PPFIA1: variants seen among roughly 807,000 people sequenced by gnomAD.
PPFIA1 encodes the protein liprin-alpha-1.
A neutral mutation model predicts 149.9 loss-of-function variants in PPFIA1; 25 were observed. That is an observed-to-expected ratio of 0.17 (90% CI 0.12 to 0.23). The LOEUF is 0.23. Ranked by LOEUF, PPFIA1 falls within the 10% of genes least tolerant of loss-of-function variation. The pLI, the probability that PPFIA1 is intolerant of heterozygous loss-of-function variation, is 1.00. For synonymous variants in PPFIA1, 549 were observed against 552.8 expected, an observed-to-expected ratio of 0.99 and a Z score of 0.10; for missense variants, 1,362 against 1,506.5, an observed-to-expected ratio of 0.90 and a Z score of 1.59.
intron 2 of PPFIA1, among the ~76,000 whole-genome samples, chr11:70,277,060 A>ATAT: frequency 0.082 from 5,423 of 66,084 alleles, 361 homozygotes; most frequent in Non-Finnish European, 0.097. Context: ...ATATATATAT[A>ATAT]TTTTTTTTTT....
intron 2 of PPFIA1, chr11:70,284,076 T>A (rs770638542): frequency 8.0e-6 from 4 of 503,060 alleles, no homozygotes; most frequent in African/African-American, 2.0e-5. Flanking sequence ...TGGCTACAAC[T>A]GTAATTTGTT....
chr11:70,355,644 C>T lies in PPFIA1; in HGVS notation c.2321C>T (p.Thr774Ile), dbSNP rs758864898. ...TCCGTTTTCTTTCCTCGAAGCTCCACAGGCTCCCAGGATGGTCCCGTGAGC... is the reference window on the plus strand; with the variant it reads ...TCCGTTTTCTTTCCTCGAAGCTCCATAGGCTCCCAGGATGGTCCCGTGAGC... ...HEDIRDIRNS[T>I]GSQDGPVSNP... Residue 774 changes from threonine (T) to isoleucine (I), a missense_variant, in exon 18 of 28, where the codon ACA (threonine) becomes ATA (isoleucine). By Grantham distance (89) the Thr-to-Ile change is moderately conservative. Around this residue, in one of 7 missense-constraint regions of PPFIA1, gnomAD observed 733 missense variants for 744.1 expected, o/e 0.99. Coordinates refer to ENST00000253925, the MANE Select transcript of PPFIA1 (RefSeq NM_003626.5). 1.9e-6 allele frequency: 3 copies of T among 1,599,112 alleles called. No individual in the cohort carries two copies. Among genetic ancestry groups the T allele is most frequent in the African/African-American group, 1.4e-5 (1 of 73,780 alleles).
At chr11:70,291,923 C>T (rs895076391) in intron 2 of PPFIA1, among the ~76,000 whole-genome samples, 6 of 151,086 alleles carry the variant, frequency 4.0e-5, no homozygotes, top group South Asian at 2.1e-4. Flanking sequence ...CGGCAACCTC[C>T]GCCTCCCATG....
rs181140893 is a variant in PPFIA1 at position 70,339,948 on chromosome 11, G to A, written c.1707+642G>A. ...GAAGAATCGCTTGAACCCGGGAGGC[G>A]TTGCAGCGAGCTGAGAAAGCACCAT... is the stretch of plus-strand genomic sequence containing the variant. On this transcript the variant is annotated intron_variant, in intron 14 of 27. Transcript: ENST00000253925. Among the ~76,000 whole-genome samples the A allele has an allele frequency of 2.3e-4, 35 of 151,800 alleles. No individual in the cohort carries two copies. In the East Asian group the frequency reaches 4.3e-3, roughly 19 times the overall value.
At chr11:70,345,741 C>T (rs2137169519) in intron 15 of PPFIA1, among the ~76,000 whole-genome samples, 1 of 152,292 alleles carries the variant, frequency 6.6e-6, no homozygotes, top group South Asian at 2.1e-4. Context: ...GCGGGAGGAT[C>T]CCTTGAGCCC....
rs2055494963 is a variant in PPFIA1 at position 70,343,686 on chromosome 11, G to T, written c.1725G>T (p.Glu575Asp). 6.2e-7 allele frequency: 1 copy of T among 1,614,078 alleles called. No individual in the cohort carries two copies. The highest frequency in any genetic ancestry group is 8.5e-7 in the Non-Finnish European group (1 of 1,180,040). ...DEPSKVQTLN[E>D]QDWERAQQAS... ...GTTTATAGGTACAAACTCTTAATGA[G>T]CAGGATTGGGAACGTGCCCAGCAAG... Residue 575 changes from glutamate (E) to aspartate (D), a missense_variant, in exon 15 of 28, where the codon GAG (glutamate) becomes GAT (aspartate). Coordinates refer to ENST00000253925, the MANE Select transcript of PPFIA1 (RefSeq NM_003626.5).
intron 2 of PPFIA1, among the ~76,000 whole-genome samples, chr11:70,317,077 A>G (rs1325243033): frequency 6.6e-6 from 1 of 152,246 alleles, no homozygotes; most frequent in Non-Finnish European, 1.5e-5. Context: ...ATTTCAGAAA[A>G]TACTTGACAC....
intron 7 of PPFIA1, among the ~76,000 whole-genome samples, chr11:70,328,934 A>G (rs2054484637): frequency 2.0e-5 from 3 of 152,254 alleles, no homozygotes; most frequent in Non-Finnish European, 4.4e-5. Flanking sequence ...GGTGGAGGAC[A>G]GGTATTTCTC....
intron 1 of PPFIA1, 104 bp downstream of exon 1, chr11:70,271,018 G>A (rs2050036828): frequency 6.6e-6 from 1 of 151,814 alleles, no homozygotes; most frequent in African/African-American, 2.4e-5. Flanking sequence ...CGCGGGGAAG[G>A]GTGCGCTCCG....
intron 14 of PPFIA1, 55 bp downstream of exon 14, chr11:70,339,361 G>T: frequency 6.4e-7 from 1 of 1,562,854 alleles, no homozygotes; most frequent in Non-Finnish European, 8.7e-7. Context: ...TACTTATCCC[G>T]TGGCTTTCAG....
At chr11:70,360,368 A>C (rs1472229002) in intron 19 of PPFIA1, among the ~76,000 whole-genome samples, 1 of 152,258 alleles carries the variant, frequency 6.6e-6, no homozygotes, top group African/African-American at 2.4e-5. Context: ...TTACATGTTA[A>C]AAAACGAAGT....
At chr11:70,347,386 G>T (rs1003440152) in intron 15 of PPFIA1, among the ~76,000 whole-genome samples, 1 of 152,144 alleles carries the variant, frequency 6.6e-6, no homozygotes, top group Non-Finnish European at 1.5e-5. Flanking sequence ...ACTTTTTGTT[G>T]TTGTAAGATG....
chr11:70,367,588 G>A (rs1310723461), intron 21 of PPFIA1: 1 of 455,394 alleles, frequency 2.2e-6, no homozygotes. Context: ...CACCTGGTAT[G>A]TTTTTTTTCC....
rs111463974 is a variant in PPFIA1, at chr11:70,333,210, A to G, written c.1213-260A>G. Reference sequence around the variant, plus strand: ...AATCACGACTCCATTGAGATTGGGCATAGGGGTTGGGGGGAAAACACCCAG... The same window carrying G: ...AATCACGACTCCATTGAGATTGGGCGTAGGGGTTGGGGGGAAAACACCCAG... On this transcript the variant is annotated intron_variant, in intron 9 of 27. Transcript: ENST00000253925. 10 of 559,154 alleles carry G rather than the reference A, an allele frequency of 1.8e-5. 1 individual carries two copies. Among genetic ancestry groups the G allele is most frequent in the Admixed American group, 1.1e-4 (5 of 44,252 alleles). The allele number at this position is 559,154 out of a possible 1,614,324, so 34.6% of individuals were successfully genotyped here.
chr11:70,302,155 G>A (rs2052527667), intron 2 of PPFIA1, among the ~76,000 whole-genome samples: 1 of 152,230 alleles, frequency 6.6e-6, no homozygotes, highest in Non-Finnish European at 1.5e-5. Flanking sequence ...TCCCAGAGGA[G>A]GGGGAATGGT....
At chr11:70,370,297 A>G (rs983954154) in intron 21 of PPFIA1, among the ~76,000 whole-genome samples, 2 of 150,492 alleles carry the variant, frequency 1.3e-5, no homozygotes, top group Admixed American at 6.6e-5. Flanking sequence ...ATTTGCTGTT[A>G]TTTTTCTGTT....
intron 2 of PPFIA1, among the ~76,000 whole-genome samples, chr11:70,321,835 T>C (rs2053962662): frequency 6.6e-6 from 1 of 152,248 alleles, no homozygotes; most frequent in Non-Finnish European, 1.5e-5. Flanking sequence ...CTCTGTACTT[T>C]GACTTGACAG....
In PPFIA1 at chr11:70,295,695, C is replaced by G. The variant is rs1271501584; in HGVS notation, c.264+23259C>G. Among the ~76,000 whole-genome samples, 5 of 147,470 alleles carry G rather than the reference C, an allele frequency of 3.4e-5. No individual in the cohort carries two copies. In the East Asian group the frequency reaches 8.4e-4, roughly 25 times the overall value. ...CTGGCCGGGCCGGGGGCTGACCCCC[C>G]CCACCTCCCTCCCGGACGGGGCGGC... On this transcript the variant is annotated intron_variant, in intron 2 of 27. Coordinates refer to ENST00000253925, the MANE Select transcript of PPFIA1 (RefSeq NM_003626.5).
At chr11:70,339,571 C>T (rs577652498) in intron 14 of PPFIA1, among the ~76,000 whole-genome samples, 3 of 148,968 alleles carry the variant, frequency 2.0e-5, no homozygotes, top group Admixed American at 6.7e-5. Flanking sequence ...CCTCTTGCCT[C>T]GGCCTCACAA....
Sources: allele counts gnomAD v4.1 joint callset (sites outside exome capture counted in the v4.1 genomes callset), GRCh38; gene constraint gnomAD v4.1.1; regional missense constraint gnomAD v4.1.1; transcripts MANE v1.5; gene names NCBI Gene and HGNC (gene_info 2026-07-23, HGNC 2026-07-21).